B3GALT1: variants seen among roughly 807,000 people sequenced by gnomAD.
B3GALT1 encodes UDP-Gal:betaGlcNAc beta 1,3-galactosyltransferase, polypeptide 1.
B3GALT1 carries 10 observed loss-of-function variants against 23.2 expected under a neutral mutation model. The observed-to-expected ratio is 0.43, with a 90% CI of 0.27 to 0.73. The LOEUF is 0.73. Ranked by LOEUF, B3GALT1 falls within the 30% of genes least tolerant of loss-of-function variation. The probability of loss-of-function intolerance (pLI) is 0.21; values close to 1 mark genes in which losing one functional copy is unlikely to be tolerated. For synonymous variants in B3GALT1, 156 were observed against 141.5 expected (o/e 1.10, Z -0.73); for missense variants, 299 against 405.4 (o/e 0.74, Z 2.25).
chr2:167,560,251 A>G (rs1318124617), intron 2 of B3GALT1, among the ~76,000 whole-genome samples: 1 of 152,182 alleles, frequency 6.6e-6, no homozygotes, highest in African/African-American at 2.4e-5. Context: ...AGACAAACAA[A>G]TGCTGACAGA....
chr2:167,666,082 C>T (rs1686177194), intron 3 of B3GALT1, among the ~76,000 whole-genome samples: 1 of 151,944 alleles, frequency 6.6e-6, no homozygotes, highest in African/African-American at 2.4e-5. Flanking sequence ...CTCTTGTGGG[C>T]ATTTAGTGCT....
At chr2:167,844,396 C>T (rs1485509818) in intron 4 of B3GALT1, among the ~76,000 whole-genome samples, 2 of 152,186 alleles carry the variant, frequency 1.3e-5, no homozygotes, top group African/African-American at 4.8e-5. Context: ...TCCTGCAGGA[C>T]TCGGGAGACA....
chr2:167,686,636 C>T (rs1188563938), intron 3 of B3GALT1, among the ~76,000 whole-genome samples: 1 of 152,182 alleles, frequency 6.6e-6, no homozygotes, highest in Non-Finnish European at 1.5e-5. Context: ...CAAAGCCAGT[C>T]AAGTTTTCTA....
At chr2:167,825,458 G>C (rs545292764) in intron 4 of B3GALT1, among the ~76,000 whole-genome samples, 1 of 144,362 alleles carries the variant, frequency 6.9e-6, no homozygotes, top group Non-Finnish European at 1.5e-5. Context: ...GTGTGTGTGC[G>C]TGCACGTGTG....
At chr2:167,459,292 G>A (rs1436313449) in intron 1 of B3GALT1, among the ~76,000 whole-genome samples, 1 of 151,826 alleles carries the variant, frequency 6.6e-6, no homozygotes, top group East Asian at 1.9e-4. Context: ...ACTATTTTCT[G>A]TGTGGTTACC....
chr2:167,866,592 G>A (rs1657360668), intron 4 of B3GALT1, among the ~76,000 whole-genome samples: 1 of 152,214 alleles, frequency 6.6e-6, no homozygotes, highest in Non-Finnish European at 1.5e-5. Flanking sequence ...AATGAACTCT[G>A]TAGACATGAG....
chr2:167,525,606 T>C (rs1440689432), intron 2 of B3GALT1, among the ~76,000 whole-genome samples: 2 of 151,852 alleles, frequency 1.3e-5, no homozygotes, highest in African/African-American at 4.8e-5. Context: ...GATGTAGCCA[T>C]TGGGAGCTCT....
chr2:167,824,101 A>C (rs1378454821), intron 4 of B3GALT1, among the ~76,000 whole-genome samples: 1 of 152,234 alleles, frequency 6.6e-6, no homozygotes, highest in Non-Finnish European at 1.5e-5. Flanking sequence ...AAATTCTTAA[A>C]ACTAGAGTAA....
chr2:167,440,919 T>G (rs1468552377), intron 1 of B3GALT1, among the ~76,000 whole-genome samples: 1 of 152,216 alleles, frequency 6.6e-6, no homozygotes, highest in Non-Finnish European at 1.5e-5. Context: ...AGATTCAGCT[T>G]CTTTTTTGAA....
intron 1 of B3GALT1, among the ~76,000 whole-genome samples, chr2:167,435,592 C>G (rs1698772248): frequency 6.6e-6 from 1 of 151,952 alleles, no homozygotes; most frequent in Non-Finnish European, 1.5e-5. Flanking sequence ...GTTTTGCAGT[C>G]TTACTCTACC....
chr2:167,386,378 C>A (rs1011464405), intron 1 of B3GALT1, among the ~76,000 whole-genome samples: 1 of 151,852 alleles, frequency 6.6e-6, no homozygotes, highest in Non-Finnish European at 1.5e-5. Flanking sequence ...GGTGGGAAAT[C>A]CAATAGAAAA....
chr2:167,606,278 G>C (rs1684960658), intron 2 of B3GALT1, among the ~76,000 whole-genome samples: 1 of 152,148 alleles, frequency 6.6e-6, no homozygotes, highest in Non-Finnish European at 1.5e-5. Context: ...TTAATTGAAA[G>C]AAACCTATGG....
At chr2:167,491,149 G>A (rs935855936) in intron 2 of B3GALT1, among the ~76,000 whole-genome samples, 11 of 152,058 alleles carry the variant, frequency 7.2e-5, no homozygotes, top group South Asian at 2.1e-4. Flanking sequence ...GGACTAGGCC[G>A]GGTAACTCCT....
chr2:167,647,739 A>G (rs1183395528), intron 3 of B3GALT1, among the ~76,000 whole-genome samples: 1 of 151,794 alleles, frequency 6.6e-6, no homozygotes, highest in South Asian at 2.1e-4. Flanking sequence ...CAGTCACTCA[A>G]TTTTTTTATA....
chr2:167,400,768 G>A (rs1698175894), intron 1 of B3GALT1, among the ~76,000 whole-genome samples: 1 of 152,244 alleles, frequency 6.6e-6, no homozygotes, highest in South Asian at 2.1e-4. Flanking sequence ...CTGAACAGGA[G>A]GCACATTTTT....
chr2:167,533,348 T>TA (rs1683364034), intron 2 of B3GALT1, among the ~76,000 whole-genome samples: 1 of 151,878 alleles, frequency 6.6e-6, no homozygotes, highest in African/African-American at 2.4e-5. Flanking sequence ...AGTTTTTTTT[T>TA]AATTATAAGT....
intron 2 of B3GALT1, among the ~76,000 whole-genome samples, chr2:167,607,757 A>G (rs994957626): frequency 1.3e-5 from 2 of 152,200 alleles, no homozygotes; most frequent in African/African-American, 4.8e-5. Flanking sequence ...TCCTACTACA[A>G]TTTCACTTGA....
intron 1 of B3GALT1, among the ~76,000 whole-genome samples, chr2:167,466,945 C>G (rs1010579873): frequency 2.9e-5 from 4 of 136,964 alleles, no homozygotes; most frequent in African/African-American, 1.1e-4. Flanking sequence ...CCCAGGTGGT[C>G]TCAAACTCCT....
intron 3 of B3GALT1, among the ~76,000 whole-genome samples, chr2:167,796,397 C>G (rs1688547350): frequency 6.6e-6 from 1 of 152,024 alleles, no homozygotes; most frequent in South Asian, 2.1e-4. Flanking sequence ...TCTGAAAATC[C>G]AAAAATTAAA....
Sources: gnomAD v4.1 joint callset for allele counts (sites outside exome capture counted in the v4.1 genomes callset) on GRCh38, gnomAD v4.1.1 for gene constraint, MANE v1.5 for transcripts, NCBI Gene and HGNC (gene_info 2026-07-23, HGNC 2026-07-21) for gene names.